Variants in TMEM233 observed in about 807,000 individuals in gnomAD.
The protein encoded by TMEM233 is transmembrane protein 233.
Under a neutral mutation model 11.2 loss-of-function variants are expected in TMEM233, and 6 were observed. That is an observed-to-expected ratio of 0.54 (90% CI 0.29 to 1.06). The LOEUF is 1.06. TMEM233 is among the 50% of genes least tolerant of loss of function. The pLI, the probability that TMEM233 is intolerant of heterozygous loss-of-function variation, is 0.08. For synonymous variants in TMEM233, 59 were observed against 55.8 expected (o/e 1.06, Z -0.26); for missense variants, 127 against 144.7 (o/e 0.88, Z 0.63).
intron 1 of TMEM233, among the ~76,000 whole-genome samples, chr12:119,620,111 G>A (rs1321837013): frequency 6.6e-6 from 1 of 152,174 alleles, no homozygotes; most frequent in Non-Finnish European, 1.5e-5. Flanking sequence ...GCCAGTTTTA[G>A]ATAAGCTGGA....
chr12:119,594,198 G>C lies in TMEM233; in HGVS notation c.186+164G>C. 2 of 673,950 alleles carry C rather than the reference G, an allele frequency of 3.0e-6. No homozygotes were observed. The highest frequency in any genetic ancestry group is 2.5e-6 in the Non-Finnish European group (1 of 401,250). 41.7% of individuals were successfully genotyped at this position (673,950 alleles called of 1,614,324 possible). ...CCTCCTCACCTTTCTCGGGCTCTCAGAGCTCTCCCCGCAATCATCAGCACC... is the reference window on the plus strand; with the variant it reads ...CCTCCTCACCTTTCTCGGGCTCTCACAGCTCTCCCCGCAATCATCAGCACC... On this transcript the variant is annotated intron_variant, in intron 1 of 2. Transcript: ENST00000426426. This position sits in a 1 kb window ranked among gnomAD's most constrained non-coding sequence, Gnocchi z 5.6.
intron 1 of TMEM233, among the ~76,000 whole-genome samples, chr12:119,601,607 G>A (rs1364613933): frequency 6.7e-6 from 1 of 148,690 alleles, no homozygotes; most frequent in Non-Finnish European, 1.5e-5. Flanking sequence ...GCAGTGAGCC[G>A]AGATCGCGCC....
chr12:119,648,948 T>A, the TMEM233 span, among the ~76,000 whole-genome samples: 1 of 152,172 alleles, frequency 6.6e-6, no homozygotes, highest in African/African-American at 2.4e-5. Context: ...CTTATCGTGA[T>A]GGTTTAGAAA....
Position 119,612,147 on chromosome 12 carries a change from C to T in TMEM233, c.187-17589C>T, listed in dbSNP as rs1368786223. ...TAGCTGGGACTACAGGCACGTGGCA[C>T]CATGCCCGGCTAATTTTTTGCATTT... On this transcript the variant is annotated intron_variant, in intron 1 of 2. Coordinates refer to ENST00000426426, the MANE Select transcript of TMEM233 (RefSeq NM_001136534.3). Among the ~76,000 whole-genome samples the T allele has an allele frequency of 2.0e-5, 3 of 152,086 alleles. 1 individual carries two copies. Among genetic ancestry groups the T allele is most frequent in the Admixed American group, 2.0e-4 (3 of 15,272 alleles).
intron 1 of TMEM233, among the ~76,000 whole-genome samples, chr12:119,596,281 A>T (rs1453331999): frequency 6.6e-6 from 1 of 152,186 alleles, no homozygotes; most frequent in African/African-American, 2.4e-5. Context: ...GCCACTTAGA[A>T]AACTGCCTGC....
chr12:119,644,753 A>T (rs1955129720), downstream of TMEM233, among the ~76,000 whole-genome samples: 2 of 152,206 alleles, frequency 1.3e-5, no homozygotes, highest in Admixed American at 6.5e-5. Flanking sequence ...TGCTGGGATT[A>T]CAGGTGTGAG....
rs1953977269 is a variant in TMEM233 at position 119,594,126 on chromosome 12, C to T, written c.186+92C>T. ...GAGTCCGCGCGCTCTCTGCGGCTCC[C>T]TTCCTCACGGCCCGGCCCGCGCTAG... is the stretch of plus-strand genomic sequence containing the variant. On this transcript the variant is annotated intron_variant, in intron 1 of 2. Transcript: ENST00000426426. The surrounding 1 kb of genome is among the most constrained non-coding windows in gnomAD (Gnocchi z 5.6). 1.5e-6 allele frequency: 2 copies of T among 1,321,468 alleles called. No homozygotes were observed. The highest frequency in any genetic ancestry group is 2.3e-5 in the Admixed American group (1 of 43,798). The allele number at this position is 1,321,468 out of a possible 1,614,324, so 81.9% of individuals were successfully genotyped here.
intron 2 of TMEM233, among the ~76,000 whole-genome samples, chr12:119,633,728 C>G (rs1334520434): frequency 6.6e-6 from 1 of 152,230 alleles, no homozygotes; most frequent in African/African-American, 2.4e-5. Flanking sequence ...AATCAATTCT[C>G]TCTTCCAGGT....
downstream of TMEM233, among the ~76,000 whole-genome samples, chr12:119,646,497 C>T (rs201544603): frequency 1.3e-5 from 2 of 152,314 alleles, no homozygotes; most frequent in African/African-American, 2.4e-5. Context: ...ATCAAGATGG[C>T]GGCAGGGTTG....
intron 1 of TMEM233, among the ~76,000 whole-genome samples, chr12:119,601,610 A>G (rs551827172): frequency 8.6e-5 from 13 of 150,702 alleles, no homozygotes; most frequent in African/African-American, 2.9e-4. Context: ...GTGAGCCGAG[A>G]TCGCGCCACT....
chr12:119,634,336 G>T (rs1454255905), intron 2 of TMEM233: 1 of 936,964 alleles, frequency 1.1e-6, no homozygotes, highest in Non-Finnish European at 1.3e-6. Context: ...TCGGGGCTGG[G>T]TGTGGTGGCT....
rs920158806 is a variant in TMEM233 at position 119,593,990 on chromosome 12, C to G, written c.142C>G (p.Pro48Ala). 1 of 1,551,598 alleles carries G rather than the reference C, an allele frequency of 6.4e-7. No individual in the cohort carries two copies. Among genetic ancestry groups the G allele is most frequent in the Non-Finnish European group, 8.7e-7 (1 of 1,146,980 alleles). Residue 48 changes from proline (P) to alanine (A), a missense_variant, in exon 1 of 3, where the codon CCT becomes GCT. By Grantham distance (27) the Pro-to-Ala change is conservative. Transcript: ENST00000426426. The surrounding 1 kb of genome is among the most constrained non-coding windows in gnomAD (Gnocchi z 4.1). ...LWLTIVSCFCPAYPINIVALV... is the reference protein window; with the variant it reads ...LWLTIVSCFCAAYPINIVALV... ...GCTCACCATCGTCTCGTGTTTTTGC[C>G]CTGCGTACCCCATCAACATCGTGGC...
chr12:119,633,778 TC>T (rs1828699705), intron 2 of TMEM233, among the ~76,000 whole-genome samples: 2 of 152,132 alleles, frequency 1.3e-5, no homozygotes, highest in South Asian at 4.1e-4. Flanking sequence ...AAATTAAATC[TC>T]CCAGCCCTCA....
At chr12:119,646,224 A>AT (rs1179101425), downstream of TMEM233, among the ~76,000 whole-genome samples, 4 of 151,330 alleles carry the variant, frequency 2.6e-5, no homozygotes, top group African/African-American at 9.8e-5. Context: ...TGCCCAGCTA[A>AT]TTTTTTGTAT....
downstream of TMEM233, among the ~76,000 whole-genome samples, chr12:119,645,499 T>C (rs1045428405): frequency 6.6e-6 from 1 of 152,104 alleles, no homozygotes; most frequent in African/African-American, 2.4e-5. Flanking sequence ...GAGGCAGGCA[T>C]AAAGATGACT....
chr12:119,653,321 G>T, the TMEM233 span, among the ~76,000 whole-genome samples: 1 of 142,896 alleles, frequency 7.0e-6, no homozygotes, highest in Non-Finnish European at 1.5e-5. Flanking sequence ...GAACCTGGGA[G>T]GCAGAGGTTG....
intron 1 of TMEM233, among the ~76,000 whole-genome samples, chr12:119,615,147 C>G (rs1426944301): frequency 8.5e-6 from 1 of 117,618 alleles, no homozygotes; most frequent in Non-Finnish European, 1.6e-5. Flanking sequence ...CTCAAACCCT[C>G]AGGTCTCAGT....
chr12:119,609,637 G>A (rs1251659788), intron 1 of TMEM233, among the ~76,000 whole-genome samples: 1 of 152,240 alleles, frequency 6.6e-6, no homozygotes, highest in Admixed American at 6.5e-5. Flanking sequence ...TGACCAAAAG[G>A]GGACAAAGTA....
rs1166702658 is a variant in TMEM233, at chr12:119,594,664, AAC to A, written c.186+632_186+633del. Among the ~76,000 whole-genome samples, 1 of 152,038 alleles carries A rather than the reference AAC, an allele frequency of 6.6e-6. No homozygotes were observed. Among genetic ancestry groups the A allele is most frequent in the African/African-American group, 2.4e-5 (1 of 41,404 alleles). On this transcript the variant is annotated intron_variant, in intron 1 of 2. Transcript: ENST00000426426. This position sits in a 1 kb window ranked among gnomAD's most constrained non-coding sequence, Gnocchi z 5.6. ...TTGGCACGGCACGCTCTGTCCAGGC[AAC>A]AGTTTCCTCTCGCTTCTTCCTACAC...
Sources: gnomAD v4.1 joint callset for allele counts (sites outside exome capture counted in the v4.1 genomes callset) on GRCh38, gnomAD v4.1.1 for gene constraint, Gnocchi (gnomAD v3.1) non-coding constraint, MANE v1.5 for transcripts, NCBI Gene and HGNC (gene_info 2026-07-23, HGNC 2026-07-21) for gene names.